GLCE: variants seen among roughly 807,000 people sequenced by gnomAD.
GLCE encodes D-glucuronyl C5-epimerase.
In GLCE, 19 loss-of-function variants were observed where a neutral mutation model predicts 47.9. The observed-to-expected ratio is 0.40, with a 90% CI of 0.28 to 0.58. The LOEUF (loss-of-function observed/expected upper bound fraction) is 0.58, where lower values mean the gene tolerates loss of function less well. Among genes scored for constraint, GLCE ranks in the 20% least tolerant of loss-of-function variants. The pLI, the probability that GLCE is intolerant of heterozygous loss-of-function variation, is 0.48. For missense variants in GLCE, 556 were observed against 743.3 expected, an observed-to-expected ratio of 0.75 and a Z score of 2.93; for synonymous variants, 245 against 263.4, an observed-to-expected ratio of 0.93 and a Z score of 0.68.
intron 2 of GLCE, among the ~76,000 whole-genome samples, chr15:69,233,920 C>T (rs976755519): frequency 6.6e-6 from 1 of 151,528 alleles, no homozygotes; most frequent in Non-Finnish European, 1.5e-5. Context: ...AAAACTCATA[C>T]ATACATACAT....
chr15:69,176,516 C>G (rs2051667553), intron 1 of GLCE, among the ~76,000 whole-genome samples: 1 of 151,994 alleles, frequency 6.6e-6, no homozygotes. Context: ...GCGTCAGCCA[C>G]CACCCCTGGC....
intron 1 of GLCE, among the ~76,000 whole-genome samples, chr15:69,165,769 T>A (rs986510898): frequency 6.6e-6 from 1 of 152,218 alleles, no homozygotes; most frequent in African/African-American, 2.4e-5. Context: ...TAGTTGGCTA[T>A]CATTACATGT....
intron 1 of GLCE, among the ~76,000 whole-genome samples, chr15:69,176,676 T>C (rs1466220560): frequency 6.6e-6 from 1 of 152,234 alleles, no homozygotes; most frequent in Non-Finnish European, 1.5e-5. Context: ...GGCTCTTAAG[T>C]TGTCTTATCT....
intron 1 of GLCE, among the ~76,000 whole-genome samples, chr15:69,187,284 A>AT (rs148757523): frequency 2.6e-5 from 4 of 152,000 alleles, no homozygotes; most frequent in African/African-American, 9.6e-5. Context: ...ATCTTACCAT[A>AT]TTTTTTTTCT....
chr15:69,252,177 G>T (rs932486064), intron 2 of GLCE, among the ~76,000 whole-genome samples: 3 of 152,060 alleles, frequency 2.0e-5, no homozygotes, highest in Non-Finnish European at 4.4e-5. Flanking sequence ...TTTTCCCATC[G>T]TGTGCTTCAA....
At chr15:69,244,229 G>C (rs1460654496) in intron 2 of GLCE, among the ~76,000 whole-genome samples, 1 of 152,194 alleles carries the variant, frequency 6.6e-6, no homozygotes, top group Non-Finnish European at 1.5e-5. Flanking sequence ...GGACCAGGTA[G>C]CTTTCTTAGA....
intron 3 of GLCE, among the ~76,000 whole-genome samples, chr15:69,257,253 T>C (rs1463065157): frequency 6.6e-6 from 1 of 152,200 alleles, no homozygotes; most frequent in African/African-American, 2.4e-5. Flanking sequence ...GGTGTGTTTA[T>C]TCATCCAGTT....
At chr15:69,202,606 C>T (rs1465460674) in intron 1 of GLCE, among the ~76,000 whole-genome samples, 3 of 152,054 alleles carry the variant, frequency 2.0e-5, no homozygotes, top group African/African-American at 4.8e-5. Flanking sequence ...CATGTAGTTT[C>T]CCAATGTAGC....
intron 1 of GLCE, chr15:69,197,180 A>G (rs887249685): frequency 7.2e-6 from 3 of 417,778 alleles, no homozygotes; most frequent in South Asian, 3.6e-5. Flanking sequence ...CGCACAACCA[A>G]CGCTTCAAAA....
intron 1 of GLCE, among the ~76,000 whole-genome samples, chr15:69,204,485 A>G (rs1039964896): frequency 3.3e-5 from 5 of 151,820 alleles, no homozygotes; most frequent in Middle Eastern, 3.4e-3. Flanking sequence ...GGGTTTCACC[A>G]TGTTGGCCAG....
chr15:69,230,601 C>A (rs554545388), intron 2 of GLCE, among the ~76,000 whole-genome samples: 13 of 152,294 alleles, frequency 8.5e-5, no homozygotes, highest in African/African-American at 3.1e-4. Context: ...GGGAGTTGCT[C>A]TCTCATTAGC....
chr15:69,179,496 T>G (rs1181143626), intron 1 of GLCE, among the ~76,000 whole-genome samples: 1 of 152,178 alleles, frequency 6.6e-6, no homozygotes, highest in Admixed American at 6.5e-5. Flanking sequence ...TGTGTAATTG[T>G]TTGCAGTTTT....
intron 1 of GLCE, among the ~76,000 whole-genome samples, chr15:69,203,357 G>A (rs2052102674): frequency 6.6e-6 from 1 of 152,042 alleles, no homozygotes; most frequent in Admixed American, 6.6e-5. Context: ...AGAAGAGACA[G>A]GAAATTTACT....
At chr15:69,206,489 G>A (rs1341454161) in intron 1 of GLCE, among the ~76,000 whole-genome samples, 1 of 151,982 alleles carries the variant, frequency 6.6e-6, no homozygotes, top group Non-Finnish European at 1.5e-5. Context: ...GTTTTCTTCT[G>A]TAAGTAAGCC....
At chr15:69,210,015 C>T (rs2052209129) in intron 1 of GLCE, among the ~76,000 whole-genome samples, 2 of 152,044 alleles carry the variant, frequency 1.3e-5, no homozygotes, top group South Asian at 2.1e-4. Flanking sequence ...CTAAGAGACC[C>T]CTTTCCCTCT....
chr15:69,185,207 G>T (rs2051804723), intron 1 of GLCE, among the ~76,000 whole-genome samples: 1 of 152,120 alleles, frequency 6.6e-6, no homozygotes, highest in African/African-American at 2.4e-5. Flanking sequence ...AGAGCTTTCT[G>T]TCATATAGAG....
intron 2 of GLCE, among the ~76,000 whole-genome samples, chr15:69,223,063 T>G (rs2052398838): frequency 6.6e-6 from 1 of 152,216 alleles, no homozygotes; most frequent in African/African-American, 2.4e-5. Context: ...AAACAAACTG[T>G]TAAATGCGGT....
chr15:69,238,809 C>T (rs558501961), intron 2 of GLCE, among the ~76,000 whole-genome samples: 1 of 152,044 alleles, frequency 6.6e-6, no homozygotes, highest in African/African-American at 2.4e-5. Context: ...CTGAATAAGG[C>T]ATGTTTGAGT....
chr15:69,208,903 T>C (rs1213718152), intron 1 of GLCE, among the ~76,000 whole-genome samples: 1 of 152,104 alleles, frequency 6.6e-6, no homozygotes, highest in Non-Finnish European at 1.5e-5. Context: ...TATTTTTAAA[T>C]GTGAGGGTTC....
Sources: allele counts gnomAD v4.1 joint callset (sites outside exome capture counted in the v4.1 genomes callset), GRCh38; gene constraint gnomAD v4.1.1; transcripts MANE v1.5; gene names NCBI Gene and HGNC (gene_info 2026-07-23, HGNC 2026-07-21).